The following TMEM131 variants were observed in gnomAD, a reference collection of about 807,000 sequenced individuals.
TMEM131 encodes 2610524E03Rik.
TMEM131 carries 66 observed loss-of-function variants against 211.6 expected under a neutral mutation model. The observed-to-expected ratio is 0.31, with a 90% CI of 0.26 to 0.38. The LOEUF is 0.38. Among genes scored for constraint, TMEM131 ranks in the 10% least tolerant of loss-of-function variants. TMEM131 has a pLI of 1.00. For synonymous variants in TMEM131, 844 were observed against 841.3 expected (o/e 1.00, Z -0.06); for missense variants, 2,036 against 2,299.3 (o/e 0.89, Z 2.34).
At chr2:97,988,344 AACTAT>A (rs1399523739) in intron 1 of TMEM131, among the ~76,000 whole-genome samples, 1 of 152,252 alleles carries the variant, frequency 6.6e-6, no homozygotes, top group Non-Finnish European at 1.5e-5. Context: ...TAAGACCCAA[AACTAT>A]AAAATGCCTA....
At chr2:97,960,158 T>TAAC (rs1433998820) in intron 1 of TMEM131, among the ~76,000 whole-genome samples, 14 of 106,668 alleles carry the variant, frequency 1.3e-4, no homozygotes, top group African/African-American at 5.3e-4. Context: ...TAATAGATAA[T>TAAC]TCATAAAAAG....
rs539089118 is a variant in TMEM131, at chr2:97,982,171, C to T, written c.187+13305G>A. Among the ~76,000 whole-genome samples, 4 of 152,298 alleles carry T rather than the reference C, an allele frequency of 2.6e-5. No homozygotes were observed. The South Asian group carries it at 6.2e-4, about 24-fold the overall frequency. On this transcript the variant is annotated intron_variant, in intron 1 of 40. Transcript: ENST00000186436. ...AAGCAACAAGACATTCCAATGTCTC[C>T]GCACCCTTGCCAACATTTATTATCC...
chr2:97,859,774 T>G (rs1673992340), intron 4 of TMEM131, among the ~76,000 whole-genome samples: 1 of 152,190 alleles, frequency 6.6e-6, no homozygotes, highest in South Asian at 2.1e-4. Context: ...TGTCCTCTTC[T>G]CAAATTCCAC....
intron 1 of TMEM131, among the ~76,000 whole-genome samples, chr2:97,950,389 G>C (rs1248975646): frequency 3.3e-5 from 5 of 152,172 alleles, no homozygotes; most frequent in Admixed American, 1.3e-4. Flanking sequence ...GTCAAAGTTT[G>C]AAGATAGCAG....
At chr2:97,884,742 C>A (rs1325366697) in intron 4 of TMEM131, among the ~76,000 whole-genome samples, 1 of 152,176 alleles carries the variant, frequency 6.6e-6, no homozygotes, top group African/African-American at 2.4e-5. Flanking sequence ...GCTACTCCTG[C>A]TGGCTTTTGG....
At chr2:97,844,522 C>T (rs1161002436) in intron 5 of TMEM131, among the ~76,000 whole-genome samples, 1 of 152,188 alleles carries the variant, frequency 6.6e-6, no homozygotes, top group Non-Finnish European at 1.5e-5. Flanking sequence ...ACTAGGCTGG[C>T]ATGAAGTACC....
chr2:97,793,522 A>G lies in TMEM131; in HGVS notation c.3418T>C (p.Tyr1140His), dbSNP rs367891388. The G allele has an allele frequency of 5.8e-5, 94 of 1,613,608 alleles. No homozygotes were observed. The highest frequency in any genetic ancestry group is 7.7e-5 in the Non-Finnish European group (91 of 1,179,742). ...ALFLLVIGTAYLEAQGIWEPF... is the reference protein window; with the variant it reads ...ALFLLVIGTAHLEAQGIWEPF... ...TCCCATATTCCTTGAGCTTCCAAAT[A>G]GGCTGTTCCAATGACCAAAAGAAAC... Residue 1140 changes from tyrosine to histidine, a missense_variant, in exon 30 of 41, where the codon TAT (tyrosine) becomes CAT (histidine). Around this residue, in one of 3 missense-constraint regions of TMEM131, gnomAD observed 1,623 missense variants for 1,805.9 expected, o/e 0.90. Transcript: ENST00000186436.
intron 31 of TMEM131, among the ~76,000 whole-genome samples, chr2:97,784,946 C>A (rs1480538389): frequency 6.6e-6 from 1 of 152,038 alleles, no homozygotes; most frequent in African/African-American, 2.4e-5. Flanking sequence ...CCTATAGACC[C>A]TACAGACATC....
intron 5 of TMEM131, among the ~76,000 whole-genome samples, chr2:97,845,946 A>G (rs1683407879): frequency 6.6e-6 from 1 of 152,242 alleles, no homozygotes; most frequent in Non-Finnish European, 1.5e-5. Flanking sequence ...AAGCAACTCC[A>G]TGCCCACAAA....
chr2:97,973,272 G>C (rs1341999548), intron 1 of TMEM131, among the ~76,000 whole-genome samples: 2 of 152,206 alleles, frequency 1.3e-5, no homozygotes, highest in Non-Finnish European at 2.9e-5. Flanking sequence ...TGGGCATGAT[G>C]TACCCTCCCA....
chr2:97,966,248 C>T (rs1360602878), intron 1 of TMEM131, among the ~76,000 whole-genome samples: 13 of 151,772 alleles, frequency 8.6e-5, no homozygotes, highest in African/African-American at 2.9e-4. Flanking sequence ...AGTAGTTAAA[C>T]CAGCAAGGTG....
At position 97,757,157 on chromosome 2, in the gene TMEM131, G is replaced by A. The variant is rs200561143; in HGVS notation, c.5594C>T (p.Thr1865Met). 8.0e-5 allele frequency: 129 copies of A among 1,613,456 alleles called. 1 individual carries two copies. In the African/African-American group the frequency reaches 1.4e-3, roughly 18 times the overall value. Residue 1865 changes from threonine to methionine, a missense_variant, in exon 41 of 41, where the codon ACG becomes ATG. Physicochemically the swap from Thr to Met is moderately conservative, Grantham distance 81 (BLOSUM62 -1). Around this residue, in one of 3 missense-constraint regions of TMEM131, gnomAD observed 1,623 missense variants for 1,805.9 expected, o/e 0.90. Transcript: ENST00000186436. Reference sequence around the variant, plus strand: ...AGGGTCCGAGCTTCTTCTTCCAATCGTGGGGCTCCATATCCGCCACGGGTT... The same window carrying A: ...AGGGTCCGAGCTTCTTCTTCCAATCATGGGGCTCCATATCCGCCACGGGTT... ...TYNPWRIWSPTIGRRSSDPWS... is the reference protein window; with the variant it reads ...TYNPWRIWSPMIGRRSSDPWS...
intron 2 of TMEM131, among the ~76,000 whole-genome samples, chr2:97,925,017 C>T (rs1238191083): frequency 2.0e-5 from 3 of 152,062 alleles, no homozygotes; most frequent in Admixed American, 2.0e-4. Flanking sequence ...GTAGCTGGGA[C>T]CACAGGTGTG....
At chr2:97,796,795 G>T (rs1248002902) in intron 27 of TMEM131, 49 bp downstream of exon 27, 1 of 1,579,572 alleles carries the variant, frequency 6.3e-7, no homozygotes. Flanking sequence ...ATTTACTGTT[G>T]AAAGCAAATG....
chr2:97,908,752 C>T (rs1046466678), intron 2 of TMEM131, 54 bp from the exon 3 acceptor site: 5 of 1,435,422 alleles, frequency 3.5e-6, no homozygotes. Context: ...ATTTATATTA[C>T]AGACATATGG....
intron 3 of TMEM131, among the ~76,000 whole-genome samples, chr2:97,896,314 G>A (rs1675609090): frequency 6.6e-6 from 1 of 152,166 alleles, no homozygotes; most frequent in Non-Finnish European, 1.5e-5. Context: ...GTGTGATCTG[G>A]TGCTGAGAAG....
intron 4 of TMEM131, among the ~76,000 whole-genome samples, chr2:97,886,885 G>A (rs192500891): frequency 1.3e-5 from 2 of 152,244 alleles, no homozygotes. Context: ...TTTTGACTCA[G>A]CAAGATGAAA....
At chr2:97,797,703 T>C (rs1446559802) in intron 25 of TMEM131, among the ~76,000 whole-genome samples, 187 bp from the exon 26 acceptor site, 13 of 152,268 alleles carry the variant, frequency 8.5e-5, no homozygotes. Context: ...ATGAGATTCA[T>C]ATTCTACATT....
At chr2:97,846,527 G>A (rs1162158894) in intron 5 of TMEM131, among the ~76,000 whole-genome samples, 3 of 152,014 alleles carry the variant, frequency 2.0e-5, no homozygotes, top group Non-Finnish European at 4.4e-5. Flanking sequence ...CAATAGAAGA[G>A]AACTCCCTCA....
Sources: gnomAD v4.1 joint callset for allele counts (sites outside exome capture counted in the v4.1 genomes callset) on GRCh38, gnomAD v4.1.1 for gene constraint, gnomAD v4.1.1 regional missense constraint, MANE v1.5 for transcripts, NCBI Gene and HGNC (gene_info 2026-07-23, HGNC 2026-07-21) for gene names.